ACSM1: variants seen among roughly 807,000 people sequenced by gnomAD.
ACSM1 encodes acyl-coenzyme A synthetase ACSM1, mitochondrial.
A neutral mutation model predicts 75.8 loss-of-function variants in ACSM1; 79 were observed. That is an observed-to-expected ratio of 1.04 (90% CI 0.87 to 1.26). The LOEUF (loss-of-function observed/expected upper bound fraction) is 1.26, where lower values mean the gene tolerates loss of function less well. Ranked by LOEUF, ACSM1 falls within the 50% of genes most tolerant of loss-of-function variation. ACSM1 has a pLI of 0.00. For missense variants in ACSM1, 676 were observed against 720.1 expected, an observed-to-expected ratio of 0.94 and a Z score of 0.70; for synonymous variants, 279 against 265.8, an observed-to-expected ratio of 1.05 and a Z score of -0.48.
intron 2 of ACSM1, among the ~76,000 whole-genome samples, chr16:20,685,735 G>T (rs2079536173): frequency 6.7e-6 from 1 of 148,730 alleles, no homozygotes; most frequent in Non-Finnish European, 1.5e-5. Flanking sequence ...TAGGAGAATT[G>T]CTTGAACCCA....
chr16:20,633,253 A>G (rs2017458669), intron 10 of ACSM1, among the ~76,000 whole-genome samples: 1 of 152,244 alleles, frequency 6.6e-6, no homozygotes. Context: ...GACCATATAT[A>G]GAAAACCCGA....
chr16:20,666,534 T>C (rs2019574374), intron 6 of ACSM1, among the ~76,000 whole-genome samples: 1 of 152,162 alleles, frequency 6.6e-6, no homozygotes. Flanking sequence ...TCAATATTGT[T>C]AACATGACCA....
At chr16:20,686,366 C>A (rs147884739) in intron 2 of ACSM1, among the ~76,000 whole-genome samples, 183 of 152,062 alleles carry the variant, frequency 1.2e-3, no homozygotes, top group African/African-American at 4.2e-3. Flanking sequence ...TAGAAACCAG[C>A]CAAGGATCTG....
At chr16:20,691,590 T>C (rs1293368370) in intron 1 of ACSM1, among the ~76,000 whole-genome samples, 1 of 152,152 alleles carries the variant, frequency 6.6e-6, no homozygotes, top group Non-Finnish European at 1.5e-5. Context: ...GTCTTTACTT[T>C]AGAAACTTCC....
At position 20,671,658 on chromosome 16, in the gene ACSM1, C is replaced by T. The variant is rs1164823676; in HGVS notation, c.625G>A (p.Glu209Lys). 1.9e-6 allele frequency: 3 copies of T among 1,580,062 alleles called. No individual in the cohort carries two copies. The highest frequency in any genetic ancestry group is 2.6e-6 in the Non-Finnish European group (3 of 1,161,684). ...GTCTTTGACTTAACACAGGTGTGTT[C>T]TGGGGATGCTGATCTGCAAAGGGGT... is the stretch of plus-strand genomic sequence containing the variant. ...FRSLVKSASP[E>K]HTCVKSKTLD... is the part of the protein sequence containing the mutation. Residue 209 changes from glutamate to lysine, a missense_variant, in exon 5 of 14, where the codon GAA becomes AAA. Glu to Lys is a moderately conservative substitution (Grantham distance 56, BLOSUM62 1). Coordinates refer to ENST00000520010, the MANE Select transcript of ACSM1 (RefSeq NM_001318890.3).
chr16:20,635,763 C>T (rs972700869), intron 10 of ACSM1, among the ~76,000 whole-genome samples: 5 of 152,136 alleles, frequency 3.3e-5, no homozygotes, highest in East Asian at 1.9e-4. Flanking sequence ...CCTCAGCTTC[C>T]CAAGTAGCTG....
intron 8 of ACSM1, among the ~76,000 whole-genome samples, chr16:20,639,005 C>A (rs1045430202): frequency 2.6e-5 from 4 of 152,116 alleles, no homozygotes; most frequent in Admixed American, 6.5e-5. Context: ...AACTGAATTG[C>A]TATATATTTT....
intron 1 of ACSM1, among the ~76,000 whole-genome samples, chr16:20,694,170 T>C (rs2079677699): frequency 1.3e-5 from 2 of 152,202 alleles, no homozygotes; most frequent in South Asian, 4.1e-4. Context: ...TTTGCCTCTT[T>C]AAAAAAGTTC....
At chr16:20,624,305 G>C in intron 12 of ACSM1, 90 bp from the exon 13 acceptor site, 1 of 1,443,572 alleles carries the variant, frequency 6.9e-7, no homozygotes, top group Middle Eastern at 1.9e-4. Flanking sequence ...GTAAAACAAG[G>C]TGACACTGAA....
intron 2 of ACSM1, among the ~76,000 whole-genome samples, chr16:20,689,717 C>T (rs1348707429): frequency 1.3e-5 from 2 of 152,184 alleles, no homozygotes; most frequent in East Asian, 3.8e-4. Flanking sequence ...CATTCACCTC[C>T]TCCTTTTACT....
At position 20,644,831 on chromosome 16, in the gene ACSM1, G is replaced by A. The variant is rs557737387; in HGVS notation, c.993-4247C>T. ...AAAGTAAAATTTGCTAAAAGTTAAC[G>A]GTGTAACATGTATTATCCTAACTTC... On this transcript the variant is annotated intron_variant, in intron 7 of 13. Coordinates refer to ENST00000520010, the MANE Select transcript of ACSM1 (RefSeq NM_001318890.3). Among the ~76,000 whole-genome samples the A allele has an allele frequency of 1.1e-4, 17 of 152,242 alleles. No homozygotes were observed. In the South Asian group the frequency reaches 3.1e-3, roughly 28 times the overall value.
intron 6 of ACSM1, among the ~76,000 whole-genome samples, chr16:20,664,809 A>G (rs1013875482): frequency 6.6e-6 from 1 of 152,228 alleles, no homozygotes; most frequent in Non-Finnish European, 1.5e-5. Flanking sequence ...GTACATTGTT[A>G]GACCACAGTG....
At position 20,682,349 on chromosome 16, in the gene ACSM1, T is replaced by G; in HGVS notation, c.518A>C (p.Asp173Ala). 1.2e-6 allele frequency: 2 copies of G among 1,613,834 alleles called. No individual in the cohort carries two copies. The highest frequency in any genetic ancestry group is 1.7e-6 in the Non-Finnish European group (2 of 1,179,920). ...VTIDALASEV[D>A]SIASQCPSLK... ...AGAGGGGCACTGAGAAGCTATGGAG[T>G]CCACCTCTGAGGCAAGGGCATCTAT... The change falls in exon 4 of 14, where the codon GAC (aspartate) becomes GCC (alanine). Residue 173 changes from aspartate (D) to alanine (A), a missense_variant. Asp to Ala is a moderately radical substitution (Grantham distance 126). Coordinates refer to ENST00000520010, the MANE Select transcript of ACSM1 (RefSeq NM_001318890.3).
chr16:20,625,011 G>A (rs1439534512), intron 12 of ACSM1, among the ~76,000 whole-genome samples: 10 of 152,100 alleles, frequency 6.6e-5, no homozygotes, highest in Admixed American at 3.3e-4. Flanking sequence ...ATGAGCCACC[G>A]TGCCCGGCCT....
chr16:20,627,869 C>CAT (rs61366465), intron 10 of ACSM1, among the ~76,000 whole-genome samples: 74 of 77,480 alleles, frequency 9.6e-4, no homozygotes, highest in South Asian at 1.9e-3. Flanking sequence ...TGTATGTATA[C>CAT]ATATATATAT....
chr16:20,659,147 A>G (rs2019159686), intron 7 of ACSM1, among the ~76,000 whole-genome samples: 1 of 152,178 alleles, frequency 6.6e-6, no homozygotes, highest in Non-Finnish European at 1.5e-5. Flanking sequence ...GTAAAAGACT[A>G]AACCCTAAGC....
At chr16:20,686,150 A>C (rs2079550245) in intron 2 of ACSM1, among the ~76,000 whole-genome samples, 1 of 152,160 alleles carries the variant, frequency 6.6e-6, no homozygotes, top group Non-Finnish European at 1.5e-5. Flanking sequence ...CTCAATAAAT[A>C]TTATTATTAT....
chr16:20,628,763 T>G (rs984396947), intron 10 of ACSM1, among the ~76,000 whole-genome samples: 1 of 152,220 alleles, frequency 6.6e-6, no homozygotes, highest in African/African-American at 2.4e-5. Context: ...CATGTTTTTG[T>G]GTGAAGTTGG....
intron 7 of ACSM1, among the ~76,000 whole-genome samples, chr16:20,657,203 C>T (rs1017598869): frequency 6.6e-6 from 1 of 152,114 alleles, no homozygotes; most frequent in Non-Finnish European, 1.5e-5. Flanking sequence ...ACTAAGCTTA[C>T]AGTAACTCAA....
Sources: allele counts gnomAD v4.1 joint callset (sites outside exome capture counted in the v4.1 genomes callset), GRCh38; gene constraint gnomAD v4.1.1; transcripts MANE v1.5; gene names NCBI Gene and HGNC (gene_info 2026-07-23, HGNC 2026-07-21).